MEI1: variants seen among roughly 807,000 people sequenced by gnomAD.
MEI1 encodes meiosis inhibitor protein 1.
A neutral mutation model predicts 146.2 loss-of-function variants in MEI1; 103 were observed. The observed-to-expected ratio is 0.70, with a 90% confidence interval of 0.60 to 0.83. The LOEUF (loss-of-function observed/expected upper bound fraction) is 0.83, where lower values mean the gene tolerates loss of function less well. Ranked by LOEUF, MEI1 falls within the 40% of genes least tolerant of loss-of-function variation. MEI1 has a pLI of 0.00. For missense variants in MEI1, 1,529 were observed against 1,533.0 expected, an observed-to-expected ratio of 1.00 and a Z score of 0.04; for synonymous variants, 652 against 628.2, an observed-to-expected ratio of 1.04 and a Z score of -0.57.
chr22:41,735,363 T>C (rs1163936834), intron 11 of MEI1, among the ~76,000 whole-genome samples: 5 of 150,648 alleles, frequency 3.3e-5, no homozygotes, highest in Admixed American at 6.7e-5. Flanking sequence ...GCCTCCCGAG[T>C]AGCTGGGATT....
At chr22:41,716,183 T>C (rs113941023) in intron 5 of MEI1, 37 bp downstream of exon 5, 5 of 1,403,096 alleles carry the variant, frequency 3.6e-6, no homozygotes, top group Non-Finnish European at 5.0e-6. Context: ...ACTACCCTTT[T>C]ACCTGCTTTT....
rs955869444 is a variant in MEI1 at position 41,763,336 on chromosome 22, G to A, written c.2268+15G>A. ...CACTACGTGAGGTATGGACCACAAT[G>A]CCTGGGCTCCTTGTCCTTCTGTACC... On this transcript the variant is annotated intron_variant, in intron 19 of 30. Coordinates refer to ENST00000401548, the MANE Select transcript of MEI1 (RefSeq NM_152513.4). 3.2e-5 allele frequency: 51 copies of A among 1,612,586 alleles called. 1 individual carries two copies. Among genetic ancestry groups the A allele is most frequent in the Non-Finnish European group, 4.0e-5 (47 of 1,179,126 alleles).
intron 1 of MEI1, among the ~76,000 whole-genome samples, chr22:41,702,304 C>CTAATTTTTGTATTTTTAG (rs1162829639): frequency 6.6e-6 from 1 of 151,792 alleles, no homozygotes; most frequent in Non-Finnish European, 1.5e-5. Flanking sequence ...CCATGCACGG[C>CTAATTTTTGTATTTTTAG]TAATTTTTGT....
At chr22:41,718,001 T>C (rs2070372477) in intron 5 of MEI1, 70 bp from the exon 6 acceptor site, 8 of 1,233,972 alleles carry the variant, frequency 6.5e-6, no homozygotes, top group Admixed American at 4.3e-5. Context: ...TTAGGAATAA[T>C]AGATTGGAGT....
At chr22:41,752,512 T>C in intron 15 of MEI1, 79 bp from the exon 16 acceptor site, 2 of 1,310,498 alleles carry the variant, frequency 1.5e-6, no homozygotes, top group Non-Finnish European at 2.2e-6. Context: ...CCAGAGCTTT[T>C]TGATACCACC....
At chr22:41,788,960 C>T (rs1269268060) in intron 26 of MEI1, among the ~76,000 whole-genome samples, 9 of 152,188 alleles carry the variant, frequency 5.9e-5, no homozygotes, top group African/African-American at 2.2e-4. Flanking sequence ...TCTCAACCTC[C>T]TGAATAGCTG....
At chr22:41,766,395 C>T (rs2074858373) in intron 19 of MEI1, among the ~76,000 whole-genome samples, 1 of 151,608 alleles carries the variant, frequency 6.6e-6, no homozygotes, top group Non-Finnish European at 1.5e-5. Flanking sequence ...TGGTCTCGAA[C>T]TCCTGACCTT....
At chr22:41,798,225 G>GTGCACA (rs2076438123) in intron 30 of MEI1, among the ~76,000 whole-genome samples, 1 of 147,190 alleles carries the variant, frequency 6.8e-6, no homozygotes, top group Non-Finnish European at 1.5e-5. Context: ...ATGGCCAGGT[G>GTGCACA]CACACACACA....
intron 17 of MEI1, among the ~76,000 whole-genome samples, chr22:41,757,863 T>C (rs1056473342): frequency 1.3e-5 from 2 of 152,088 alleles, no homozygotes; most frequent in Admixed American, 1.3e-4. Flanking sequence ...ATGAATGTTT[T>C]TGGGAGGCCA....
chr22:41,771,791 C>G (rs1422031966), intron 20 of MEI1, among the ~76,000 whole-genome samples: 1 of 151,988 alleles, frequency 6.6e-6, no homozygotes, highest in Non-Finnish European at 1.5e-5. Flanking sequence ...GCAAATTGAA[C>G]AACAAATTAG....
chr22:41,702,077 G>A (rs1316813769), intron 1 of MEI1, among the ~76,000 whole-genome samples: 1 of 152,166 alleles, frequency 6.6e-6, no homozygotes, highest in African/African-American at 2.4e-5. Flanking sequence ...ATTGGTGAAG[G>A]AAAAACAGGA....
At position 41,795,607 on chromosome 22, in the gene MEI1, G is replaced by T; in HGVS notation, c.3666+65G>T. On this transcript the variant is annotated intron_variant, in intron 29 of 30. Transcript: ENST00000401548. This position sits in a 1 kb window ranked among gnomAD's most constrained non-coding sequence, Gnocchi z 4.2. Reference sequence around the variant, plus strand: ...AGACCCTCAACACCATCTTCTCTTGGAGGGTGGGAGCTCTGGCCACAGCAA... The same window carrying T: ...AGACCCTCAACACCATCTTCTCTTGTAGGGTGGGAGCTCTGGCCACAGCAA... The T allele has an allele frequency of 1.2e-6, 2 of 1,606,594 alleles. No individual in the cohort carries two copies. The highest frequency in any genetic ancestry group is 1.7e-6 in the Non-Finnish European group (2 of 1,175,418).
chr22:41,702,954 G>T (rs1194492298), intron 1 of MEI1, among the ~76,000 whole-genome samples: 3 of 152,068 alleles, frequency 2.0e-5, no homozygotes, highest in Non-Finnish European at 4.4e-5. Context: ...TCTTGAGCTC[G>T]TGATACGCCC....
intron 23 of MEI1, 22 bp from the exon 24 acceptor site, chr22:41,781,663 C>G: frequency 6.2e-7 from 1 of 1,609,686 alleles, no homozygotes; most frequent in Non-Finnish European, 8.5e-7. Context: ...CCTGTGGGCC[C>G]TGCCTTGCCC....
chr22:41,777,880 C>T lies in MEI1; in HGVS notation c.2711-828C>T, dbSNP rs980324503. 1.3e-5 allele frequency among the ~76,000 whole-genome samples: 2 copies of T among 151,520 alleles called. 1 individual carries two copies. The highest frequency in any genetic ancestry group is 2.9e-5 in the Non-Finnish European group (2 of 67,878). On this transcript the variant is annotated intron_variant, in intron 21 of 30. Coordinates refer to ENST00000401548, the MANE Select transcript of MEI1 (RefSeq NM_152513.4). ...TCCTTCCTTCCTTCCTTCGTTCCTT[C>T]CTTCCATCCATCCTTCTTTCTCCTT...
chr22:41,743,172 C>T lies in MEI1; in HGVS notation c.1424C>T (p.Thr475Ile), dbSNP rs998404636. Residue 475 changes from threonine to isoleucine, a missense_variant, in exon 12 of 31, where the codon ACC becomes ATC. Coordinates refer to ENST00000401548, the MANE Select transcript of MEI1 (RefSeq NM_152513.4). ...MLNRCAEFSQ[T>I]LLSRRPLGHA... ...AACCGATGTGCGGAGTTTTCCCAGA[C>T]CTTGCTGAGCAGGAGGCCCCTGGTC... The T allele has an allele frequency of 6.2e-7, 1 of 1,613,002 alleles. No individual in the cohort carries two copies. The highest frequency in any genetic ancestry group is 1.3e-5 in the African/African-American group (1 of 75,036).
At chr22:41,741,425 A>C (rs2072860035) in intron 11 of MEI1, among the ~76,000 whole-genome samples, 1 of 152,224 alleles carries the variant, frequency 6.6e-6, no homozygotes, top group Non-Finnish European at 1.5e-5. Context: ...GTTTAGGTAA[A>C]GTGAAAAGAT....
intron 11 of MEI1, among the ~76,000 whole-genome samples, chr22:41,734,219 G>A (rs2072123296): frequency 6.6e-6 from 1 of 152,212 alleles, no homozygotes; most frequent in South Asian, 2.1e-4. Context: ...TATGTAAGGA[G>A]CTTGAGCATC....
rs573006057 is a variant in MEI1, at chr22:41,712,402, T to G, written c.350-1600T>G. Among the ~76,000 whole-genome samples, 25 of 150,674 alleles carry G rather than the reference T, an allele frequency of 1.7e-4. 1 individual carries two copies. The highest frequency in any genetic ancestry group is 1.3e-3 in the Admixed American group (20 of 15,134). ...GGCGCCCACCACCACGCCCGGCTAA[T>G]TTTTTTGTATTTTTAGTAGAGATGG... On this transcript the variant is annotated intron_variant, in intron 3 of 30. Transcript: ENST00000401548.
Sources: gnomAD v4.1 joint callset for allele counts (sites outside exome capture counted in the v4.1 genomes callset) on GRCh38, gnomAD v4.1.1 for gene constraint, Gnocchi (gnomAD v3.1) non-coding constraint, MANE v1.5 for transcripts, NCBI Gene and HGNC (gene_info 2026-07-23, HGNC 2026-07-21) for gene names.